The following CPS1 variants were observed in gnomAD, a reference collection of about 807,000 sequenced individuals.
The protein encoded by CPS1 is carbamoyl-phosphate synthase 1, also known as carbamoyl-phosphate synthase [ammonia], mitochondrial.
In CPS1, 109 loss-of-function variants were observed where a neutral mutation model predicts 174.6. That is an observed-to-expected ratio of 0.62 (90% CI 0.53 to 0.73). CPS1 has a LOEUF of 0.73. CPS1 is among the 30% of genes least tolerant of loss of function. The pLI is 0.00. For missense variants in CPS1, 1,689 were observed against 1,821.9 expected (o/e 0.93, Z 1.33); for synonymous variants, 637 against 632.0 (o/e 1.01, Z -0.12).
intron 1 of CPS1, among the ~76,000 whole-genome samples, chr2:210,481,261 T>A (rs1002462730): frequency 3.9e-5 from 6 of 152,230 alleles, no homozygotes; most frequent in Non-Finnish European, 7.3e-5. Context: ...TTAGTATGTG[T>A]CTTTAACGAG....
chr2:210,607,989 G>A (rs1249346617), intron 18 of CPS1, among the ~76,000 whole-genome samples: 1 of 151,728 alleles, frequency 6.6e-6, no homozygotes, highest in Non-Finnish European at 1.5e-5. Context: ...TATATGTACA[G>A]ATATGTATAT....
At chr2:210,560,313 G>A (rs1305631031) in intron 1 of CPS1, among the ~76,000 whole-genome samples, 1 of 152,014 alleles carries the variant, frequency 6.6e-6, no homozygotes, top group East Asian at 1.9e-4. Context: ...GATCATAAGA[G>A]TATAGTCTCT....
At chr2:210,582,465 A>C in intron 5 of CPS1, 152 bp from the exon 6 acceptor site, 2 of 674,028 alleles carry the variant, frequency 3.0e-6, no homozygotes, top group South Asian at 1.7e-5. Context: ...TAATCTTTTC[A>C]GTTTGAGAAG....
At chr2:210,500,714 C>T (rs933796010) in intron 1 of CPS1, among the ~76,000 whole-genome samples, 8 of 152,314 alleles carry the variant, frequency 5.3e-5, no homozygotes, top group East Asian at 1.9e-4. Context: ...GCTGTTTTCA[C>T]GACTGGCACT....
At chr2:210,638,684 T>TC (rs1006578861) in intron 22 of CPS1, among the ~76,000 whole-genome samples, 16 of 152,210 alleles carry the variant, frequency 1.1e-4, no homozygotes, top group African/African-American at 2.6e-4. Flanking sequence ...GATCTTGTTC[T>TC]CCCCCCGTTC....
chr2:210,591,809 C>G lies in CPS1; in HGVS notation c.948-22C>G, dbSNP rs193296466. On this transcript the variant is annotated intron_variant, in intron 9 of 37. Transcript: ENST00000233072. The stretch of plus-strand genomic sequence containing the variant: ...CTCTTCACTTTTCCTTTTCCCTATT[C>G]TTTTTCTCCTTTTCTCTCCAGAGGG... 4.3e-6 allele frequency: 7 copies of G among 1,610,516 alleles called. No homozygotes were observed. In the African/African-American group the frequency reaches 9.4e-5, roughly 22 times the overall value.
chr2:210,621,292 C>A (rs1002812815), intron 21 of CPS1, among the ~76,000 whole-genome samples: 1 of 152,008 alleles, frequency 6.6e-6, no homozygotes, highest in South Asian at 2.1e-4. Flanking sequence ...ATGTAGGATT[C>A]GAATACTTGT....
intron 37 of CPS1, 149 bp downstream of exon 37, chr2:210,677,285 C>T: frequency 1.2e-6 from 1 of 847,766 alleles, no homozygotes; most frequent in Non-Finnish European, 1.9e-6. Context: ...AATAATGATG[C>T]TAACATGGTA....
chr2:210,604,980 A>G, intron 16 of CPS1, 122 bp from the exon 17 acceptor site: 1 of 1,030,972 alleles, frequency 9.7e-7, no homozygotes, highest in Non-Finnish European at 1.5e-6. Flanking sequence ...GCAGGGGAGA[A>G]TGGAGACGGG....
chr2:210,616,341 G>T (rs1574597540), intron 20 of CPS1, 82 bp from the exon 21 acceptor site: 5 of 900,468 alleles, frequency 5.6e-6, no homozygotes, highest in Admixed American at 5.1e-5. Context: ...ACACACAGAG[G>T]CATGACTGCT....
At chr2:210,504,189 C>T (rs112719666) in intron 1 of CPS1, among the ~76,000 whole-genome samples, 2,430 of 152,172 alleles carry the variant, frequency 0.016, 52 homozygotes, top group African/African-American at 0.051. Context: ...TGGAACAAGG[C>T]ATGGTGTGTG....
intron 28 of CPS1, among the ~76,000 whole-genome samples, chr2:210,650,708 A>G (rs1277973620): frequency 6.6e-6 from 1 of 152,190 alleles, no homozygotes; most frequent in Admixed American, 6.5e-5. Flanking sequence ...TTATCAAAAC[A>G]GATTTTAGAC....
intron 16 of CPS1, among the ~76,000 whole-genome samples, chr2:210,604,751 C>T (rs975253851): frequency 2.0e-5 from 3 of 151,892 alleles, no homozygotes; most frequent in African/African-American, 7.2e-5. Context: ...TTTATTCACA[C>T]TTATCACATT....
intron 17 of CPS1, among the ~76,000 whole-genome samples, chr2:210,606,311 G>A (rs759174624): frequency 1.3e-5 from 2 of 151,878 alleles, no homozygotes; most frequent in Non-Finnish European, 2.9e-5. Context: ...AGAAGGGATG[G>A]AGACTAAGAT....
At chr2:210,488,450 ACT>A (rs1422605271) in intron 1 of CPS1, among the ~76,000 whole-genome samples, 2 of 151,872 alleles carry the variant, frequency 1.3e-5, no homozygotes, top group African/African-American at 2.4e-5. Flanking sequence ...TACAGTGAAA[ACT>A]CTGCCTGAAT....
At chr2:210,525,806 G>GGA (rs3060375) in intron 1 of CPS1, among the ~76,000 whole-genome samples, 55,587 of 144,078 alleles carry the variant, frequency 0.39, 10,702 homozygotes, top group Middle Eastern at 0.5. Flanking sequence ...AAAGTAAAAT[G>GGA]GAGAGAGAGA....
intron 1 of CPS1, among the ~76,000 whole-genome samples, chr2:210,568,298 G>C (rs1209763898): frequency 2.6e-5 from 4 of 152,054 alleles, no homozygotes; most frequent in African/African-American, 9.7e-5. Context: ...GGGAATCTAA[G>C]GTATTCCATA....
At chr2:210,660,789 A>G (rs1700893743) in intron 32 of CPS1, 134 bp downstream of exon 32, 4 of 894,710 alleles carry the variant, frequency 4.5e-6, no homozygotes, top group Non-Finnish European at 7.0e-6. Context: ...ATTTCCTTTC[A>G]ATAATGTACT....
chr2:210,533,324 C>G (rs902201823), intron 1 of CPS1, among the ~76,000 whole-genome samples: 1 of 152,142 alleles, frequency 6.6e-6, no homozygotes, highest in Admixed American at 6.5e-5. Context: ...TAACAGCAAA[C>G]AGTAGCTAAT....
Sources: gnomAD v4.1 joint callset for allele counts (sites outside exome capture counted in the v4.1 genomes callset) on GRCh38, gnomAD v4.1.1 for gene constraint, MANE v1.5 for transcripts, NCBI Gene and HGNC (gene_info 2026-07-23, HGNC 2026-07-21) for gene names.